Variants in LRP1B observed in about 807,000 individuals in gnomAD.
LRP1B encodes the protein low-density lipoprotein receptor-related protein 1B.
Under a neutral mutation model 556.6 loss-of-function variants are expected in LRP1B, and 217 were observed. The ratio of observed to expected loss-of-function variants is 0.39; its 90% confidence interval spans 0.35 to 0.44. The LOEUF is 0.44. LRP1B is among the 20% of genes least tolerant of loss of function. The probability of loss-of-function intolerance (pLI) is 1.00; values close to 1 mark genes in which losing one functional copy is unlikely to be tolerated. For missense variants in LRP1B, 5,053 were observed against 5,620.8 expected (o/e 0.90, Z 3.23); for synonymous variants, 2,047 against 1,865.8 (o/e 1.10, Z -2.50).
intron 84 of LRP1B, among the ~76,000 whole-genome samples, chr2:140,277,571 G>C (rs1310968341): frequency 2.6e-5 from 4 of 151,680 alleles, no homozygotes; most frequent in African/African-American, 7.3e-5. Context: ...ACATTGGAGT[G>C]TAAACTCCAG....
chr2:141,303,847 C>T (rs1217322981), intron 3 of LRP1B, among the ~76,000 whole-genome samples: 1 of 152,140 alleles, frequency 6.6e-6, no homozygotes, highest in African/African-American at 2.4e-5. Flanking sequence ...ATACTGTTTT[C>T]CATACTGGCT....
At chr2:140,415,905 A>G (rs1457480344) in intron 66 of LRP1B, among the ~76,000 whole-genome samples, 1 of 152,214 alleles carries the variant, frequency 6.6e-6, no homozygotes, top group Non-Finnish European at 1.5e-5. Context: ...AAGTTTGGCT[A>G]GTGGCCTTTC....
chr2:141,823,117 C>T (rs1696809097), intron 1 of LRP1B, among the ~76,000 whole-genome samples: 1 of 152,158 alleles, frequency 6.6e-6, no homozygotes, highest in African/African-American at 2.4e-5. Context: ...ATCTCTCTTG[C>T]TTTCCCCATC....
chr2:141,036,064 T>C (rs1698524694), intron 11 of LRP1B, among the ~76,000 whole-genome samples: 1 of 152,050 alleles, frequency 6.6e-6, no homozygotes, highest in South Asian at 2.1e-4. Context: ...GTAAACCCAA[T>C]AATCTACAAG....
intron 41 of LRP1B, among the ~76,000 whole-genome samples, chr2:140,692,969 T>C (rs753562771): frequency 6.6e-6 from 1 of 152,144 alleles, no homozygotes; most frequent in Non-Finnish European, 1.5e-5. Context: ...GGAGATAACA[T>C]TTTGTTTCAT....
intron 3 of LRP1B, among the ~76,000 whole-genome samples, chr2:141,312,204 T>C (rs566075308): frequency 3.3e-5 from 5 of 152,296 alleles, no homozygotes; most frequent in Non-Finnish European, 7.4e-5. Flanking sequence ...TTACTTCCTC[T>C]ACCTCTATTT....
chr2:141,497,718 C>A (rs769002712), intron 2 of LRP1B, among the ~76,000 whole-genome samples: 1 of 151,888 alleles, frequency 6.6e-6, no homozygotes, highest in Non-Finnish European at 1.5e-5. Flanking sequence ...TGAACTTTAG[C>A]GCAAATCTAC....
chr2:140,281,773 T>C (rs938324036), intron 84 of LRP1B, among the ~76,000 whole-genome samples: 7 of 151,848 alleles, frequency 4.6e-5, no homozygotes, highest in African/African-American at 1.7e-4. Context: ...AGGCATTCTG[T>C]AACTGAGGAG....
intron 35 of LRP1B, among the ~76,000 whole-genome samples, chr2:140,738,015 C>T (rs866648341): frequency 1.9e-4 from 29 of 152,218 alleles, no homozygotes; most frequent in Middle Eastern, 3.4e-3. Flanking sequence ...CTCAATGATG[C>T]GCTGGAGAAT....
intron 3 of LRP1B, among the ~76,000 whole-genome samples, chr2:141,292,841 TC>T (rs1317378680): frequency 2.6e-5 from 4 of 152,078 alleles, no homozygotes; most frequent in Admixed American, 6.5e-5. Flanking sequence ...CTACATGAGA[TC>T]CTGGAACAGA....
At chr2:140,671,866 T>C (rs1685497817) in intron 41 of LRP1B, among the ~76,000 whole-genome samples, 1 of 152,190 alleles carries the variant, frequency 6.6e-6, no homozygotes, top group Admixed American at 6.5e-5. Context: ...AATGCAGTTG[T>C]TCCTGGTTCT....
intron 2 of LRP1B, among the ~76,000 whole-genome samples, chr2:141,700,570 A>G (rs1257933383): frequency 6.6e-6 from 1 of 151,794 alleles, no homozygotes; most frequent in Non-Finnish European, 1.5e-5. Flanking sequence ...CCCAAAGTGA[A>G]GGCCTCAGAA....
chr2:140,400,145 C>A lies in LRP1B; in HGVS notation c.10415-14136G>T, dbSNP rs553514316. 5.9e-5 allele frequency among the ~76,000 whole-genome samples: 9 copies of A among 152,270 alleles called. No individual in the cohort carries two copies. In the South Asian group the frequency reaches 1.2e-3, roughly 21 times the overall value. ...ATATGATGTCAGTGCCCCATCTACA[C>A]TCCTTGATATTCACCATTTCTGTCC... On this transcript the variant is annotated intron_variant, in intron 66 of 90. Transcript: ENST00000389484.
chr2:141,344,315 G>T (rs927580549), intron 3 of LRP1B, among the ~76,000 whole-genome samples: 1 of 152,044 alleles, frequency 6.6e-6, no homozygotes, highest in Non-Finnish European at 1.5e-5. Flanking sequence ...ACATAACAAG[G>T]TCCTGTTATC....
chr2:140,373,489 G>A (rs1028871128), intron 68 of LRP1B, among the ~76,000 whole-genome samples: 8 of 151,558 alleles, frequency 5.3e-5, no homozygotes, highest in Non-Finnish European at 8.8e-5. Context: ...ACAAAAAACG[G>A]ATAAAAAAAA....
intron 25 of LRP1B, among the ~76,000 whole-genome samples, chr2:140,878,691 C>T (rs1276004104): frequency 6.6e-6 from 1 of 151,866 alleles, no homozygotes; most frequent in African/African-American, 2.4e-5. Flanking sequence ...AAACAAGGGC[C>T]AGTAGAGAGA....
In LRP1B at chr2:141,329,652, A is replaced by AAAAAAACAAAACAAC. The variant is rs1687565188; in HGVS notation, c.344-75012_344-75011insGTTGTTTTGTTTTTT. Among the ~76,000 whole-genome samples, 3 of 139,264 alleles carry AAAAAAACAAAACAAC rather than the reference A, an allele frequency of 2.2e-5. 1 individual carries two copies. The highest frequency in any genetic ancestry group is 8.4e-5 in the African/African-American group (3 of 35,754). The allele number at this position is 139,264 out of a possible 152,430, so 91.4% of individuals were successfully genotyped here. A position where few individuals can be genotyped will look rare whatever the true frequency, so the allele number is the denominator to read the frequency against. On this transcript the variant is annotated intron_variant, in intron 3 of 90. Coordinates refer to ENST00000389484, the MANE Select transcript of LRP1B (RefSeq NM_018557.3). ...GAGCGAGACTCTGTCTCAAAAAAAA[A>AAAAAAACAAAACAAC]AAAAAAAAAAAAACTATCTCTCTCT...
Position 140,903,428 on chromosome 2 carries a change from T to C in LRP1B, c.3521-263A>G, listed in dbSNP as rs555815806. Among the ~76,000 whole-genome samples, 85 of 152,222 alleles carry C rather than the reference T, an allele frequency of 5.6e-4. No homozygotes were observed. The Middle Eastern group carries it at 0.017, about 30-fold the overall frequency. On this transcript the variant is annotated intron_variant, in intron 22 of 90. Coordinates refer to ENST00000389484, the MANE Select transcript of LRP1B (RefSeq NM_018557.3). ...TATAAAACTTGGGAGTATAGTTTGC[T>C]TTGCCCCACAGATGTAAAGTGAGCT...
chr2:141,609,383 G>A (rs1211004540), intron 2 of LRP1B, among the ~76,000 whole-genome samples: 1 of 151,552 alleles, frequency 6.6e-6, no homozygotes, highest in Non-Finnish European at 1.5e-5. Flanking sequence ...TACTGTTGCT[G>A]TCTACTAATT....
Sources: allele counts gnomAD v4.1 joint callset (sites outside exome capture counted in the v4.1 genomes callset), GRCh38; gene constraint gnomAD v4.1.1; transcripts MANE v1.5; gene names NCBI Gene and HGNC (gene_info 2026-07-23, HGNC 2026-07-21).